C1orf162: variants seen among roughly 807,000 people sequenced by gnomAD.
The protein encoded by C1orf162 is chromosome 1 open reading frame 162.
In C1orf162, 10 loss-of-function variants were observed where a neutral mutation model predicts 11.4. The ratio of observed to expected loss-of-function variants is 0.88; its 90% CI spans 0.54 to 1.48. C1orf162 has a LOEUF of 1.48. C1orf162 is among the 40% of genes most tolerant of loss of function. C1orf162 has a pLI of 0.00. For missense variants in C1orf162, 140 were observed against 149.5 expected, an observed-to-expected ratio of 0.94 and a Z score of 0.33; for synonymous variants, 53 against 55.0, an observed-to-expected ratio of 0.96 and a Z score of 0.16.
Position 111,477,768 on chromosome 1 carries a change from C to T in C1orf162, c.245C>T (p.Pro82Leu). The T allele has an allele frequency of 4.3e-6, 7 of 1,614,144 alleles. No homozygotes were observed. Among genetic ancestry groups the T allele is most frequent in the Non-Finnish European group, 5.1e-6 (6 of 1,180,008 alleles). The change falls in exon 5 of 6, where the codon CCA becomes CTA. Residue 82 changes from proline (P) to leucine (L), a missense_variant. Physicochemically the swap from Pro to Leu is moderately conservative, Grantham distance 98. Coordinates refer to ENST00000369718, the MANE Select transcript of C1orf162 (RefSeq NM_001300834.2). ...PQAPDPHSDPPAKLSSIPGES... is the reference protein window; with the variant it reads ...PQAPDPHSDPLAKLSSIPGES... ...GCCCCAGATCCTCACTCAGATCCTC[C>T]AGCCAAGGTAAGATGACCACACTGT... is the stretch of plus-strand genomic sequence containing the variant.
At chr1:111,475,718 A>G (rs1284521589) in intron 1 of C1orf162, 2 of 315,000 alleles carry the variant, frequency 6.3e-6, no homozygotes, top group Non-Finnish European at 1.2e-5. Flanking sequence ...TTCGGCTTAT[A>G]CATCAGTCTC....
At chr1:111,475,354 G>A (rs912999510) in intron 1 of C1orf162, 17 of 152,150 alleles carry the variant, frequency 1.1e-4, no homozygotes, top group Admixed American at 5.9e-4. Flanking sequence ...TAGGAGTTTG[G>A]GTGATTTCAC....
rs561686332 is a variant in C1orf162 at position 111,477,149 on chromosome 1, C to T, written c.108-185C>T. 3.1e-5 allele frequency: 20 copies of T among 648,222 alleles called. No homozygotes were observed. In the African/African-American group the frequency reaches 3.5e-4, roughly 11 times the overall value. 40.2% of individuals were successfully genotyped at this position (648,222 alleles called of 1,614,324 possible). A position where few individuals can be genotyped will look rare whatever the true frequency, so the allele number is the denominator to read the frequency against. The stretch of plus-strand genomic sequence containing the variant: ...GGAGGGGGAGAGGAAGAGGCCACAG[C>T]TTCCTCTGAGGCCTCAAATGGATGT... On this transcript the variant is annotated intron_variant, in intron 3 of 5. Transcript: ENST00000369718.
rs1444232850 is a variant in C1orf162, at chr1:111,476,017, G to A, written c.-11-1G>A. 3 of 1,612,858 alleles carry A rather than the reference G, an allele frequency of 1.9e-6. No homozygotes were observed. Among genetic ancestry groups the A allele is most frequent in the African/African-American group, 2.7e-5 (2 of 74,894 alleles). On this transcript the variant is annotated splice_acceptor_variant, in intron 1 of 5. Transcript: ENST00000369718. LOFTEE classifies it low-confidence loss of function (5UTR_SPLICE). ...TAAGAGATACCTTGTTTTATTCTCAGGGGATGACAGCATGGGAGGCAATGG... is the reference window on the plus strand; with the variant it reads ...TAAGAGATACCTTGTTTTATTCTCAAGGGATGACAGCATGGGAGGCAATGG...
At chr1:111,477,198 A>G (rs1277558880) in intron 3 of C1orf162, 136 bp from the exon 4 acceptor site, 2 of 805,204 alleles carry the variant, frequency 2.5e-6, no homozygotes, top group Non-Finnish European at 4.0e-6. Flanking sequence ...AAAAGCTGAA[A>G]ACCACTGGGT....
rs569632826 is a variant in C1orf162 at position 111,477,447 on chromosome 1, A to G, written c.202+19A>G. 10 of 1,583,476 alleles carry G rather than the reference A, an allele frequency of 6.3e-6. No individual in the cohort carries two copies. In the East Asian group the frequency reaches 2.2e-4, roughly 35 times the overall value. On this transcript the variant is annotated intron_variant, in intron 4 of 5. Transcript: ENST00000369718. ...AGAAAATGTAAGTGGTCTCCAAGGG[A>G]TAGGACAGCCCTTCTCTCTCTGCCA...
At chr1:111,477,159 G>A in intron 3 of C1orf162, 175 bp from the exon 4 acceptor site, 2 of 656,906 alleles carry the variant, frequency 3.0e-6, no homozygotes, top group African/African-American at 1.8e-5. Flanking sequence ...CTTCCTCTGA[G>A]GCCTCAAATG....
chr1:111,478,203 A>G lies in C1orf162; in HGVS notation c.*80A>G. The stretch of plus-strand genomic sequence containing the variant: ...CACACATCACTTTCACTTTTTTACA[A>G]ATTTTGGACCACCACCTGTGTGAAA... On this transcript the variant is annotated 3_prime_UTR_variant, in exon 6 of 6. Transcript: ENST00000369718. 2 of 1,556,334 alleles carry G rather than the reference A, an allele frequency of 1.3e-6. No homozygotes were observed. Among genetic ancestry groups the G allele is most frequent in the Non-Finnish European group, 1.8e-6 (2 of 1,133,960 alleles).
intron 1 of C1orf162, chr1:111,474,973 T>C (rs890701209): frequency 3.3e-5 from 5 of 152,104 alleles, no homozygotes; most frequent in Non-Finnish European, 7.3e-5. Flanking sequence ...GCCAAAACAT[T>C]TTCCCATGAG....
Position 111,478,301 on chromosome 1 carries a change from T to C in C1orf162, c.*178T>C, listed in dbSNP as rs1654067402. On this transcript the variant is annotated 3_prime_UTR_variant, in exon 6 of 6. Transcript: ENST00000369718. Reference sequence around the variant, plus strand: ...CTTTGGAGACCAATGGTCAGTCTTTTCCTGGCCAGAGGAAAGATTGATGGC... The same window carrying C: ...CTTTGGAGACCAATGGTCAGTCTTTCCCTGGCCAGAGGAAAGATTGATGGC... The C allele has an allele frequency of 1.4e-6, 1 of 740,164 alleles. No homozygotes were observed. The allele number at this position is 740,164 out of a possible 1,614,324, so 45.8% of individuals were successfully genotyped here.
chr1:111,478,048 G>C lies in C1orf162; in HGVS notation c.318G>C (p.Lys106Asn). ...CAACTTTCAAACTCTCAGAAGAAAA[G>C]AGCAATCACTTGGCTGAGAACCATT... is the stretch of plus-strand genomic sequence containing the variant. ...ASTTFKLSEE[K>N]SNHLAENHSA... The change falls in exon 6 of 6, where the codon AAG (lysine) becomes AAC (asparagine). Residue 106 changes from lysine (K) to asparagine (N), a missense_variant. By Grantham distance (94) the Lys-to-Asn change is moderately conservative. Coordinates refer to ENST00000369718, the MANE Select transcript of C1orf162 (RefSeq NM_001300834.2). 1 of 1,614,100 alleles carries C rather than the reference G, an allele frequency of 6.2e-7. No individual in the cohort carries two copies. Among genetic ancestry groups the C allele is most frequent in the Non-Finnish European group, 8.5e-7 (1 of 1,179,968 alleles).
Position 111,476,782 on chromosome 1 carries a change from T to G in C1orf162, c.38-16T>G. ...AAAGTGACAGATACACTAATTCCTT[T>G]TGTGTTTTCTTGTAGAAAGACAAGG... On this transcript the variant is annotated splice_polypyrimidine_tract_variant and intron_variant, in intron 2 of 5. Coordinates refer to ENST00000369718, the MANE Select transcript of C1orf162 (RefSeq NM_001300834.2). The G allele has an allele frequency of 6.2e-7, 1 of 1,612,974 alleles. No homozygotes were observed. The highest frequency in any genetic ancestry group is 1.3e-5 in the African/African-American group (1 of 74,966).
At position 111,478,179 on chromosome 1, in the gene C1orf162, A is replaced by G; in HGVS notation, c.*56A>G. ...TTCCTCTCATCTCAGCCCTATCTTC[A>G]CACATCACTTTCACTTTTTTACAAA... is the stretch of plus-strand genomic sequence containing the variant. On this transcript the variant is annotated 3_prime_UTR_variant, in exon 6 of 6. Transcript: ENST00000369718. The G allele has an allele frequency of 3.1e-6, 5 of 1,600,136 alleles. No individual in the cohort carries two copies. The South Asian group carries it at 5.5e-5, about 18-fold the overall frequency.
chr1:111,476,697 C>T, intron 2 of C1orf162, 101 bp from the exon 3 acceptor site: 7 of 1,116,436 alleles, frequency 6.3e-6, no homozygotes, highest in Middle Eastern at 2.0e-4. Flanking sequence ...CCTTAATTTC[C>T]ACTGGTTGCT....
At chr1:111,476,391 G>A (rs531678845) in intron 2 of C1orf162, among the ~76,000 whole-genome samples, 1 of 152,276 alleles carries the variant, frequency 6.6e-6, no homozygotes, top group African/African-American at 2.4e-5. Context: ...CTGCAAAAAG[G>A]GCAAACATAA....
intron 4 of C1orf162, 26 bp downstream of exon 4, chr1:111,477,454 A>G (rs1172320593): frequency 1.3e-6 from 2 of 1,580,150 alleles, no homozygotes; most frequent in Non-Finnish European, 1.7e-6. Flanking sequence ...GGGATAGGAC[A>G]GCCCTTCTCT....
At chr1:111,477,011 C>T (rs1654015133) in intron 3 of C1orf162, 144 bp downstream of exon 3, 2 of 892,248 alleles carry the variant, frequency 2.2e-6, no homozygotes, top group Non-Finnish European at 3.6e-6. Flanking sequence ...TTTGTGATCT[C>T]AGGAGTATGG....
In C1orf162 at chr1:111,476,967, G is replaced by A. The variant is rs1654012723; in HGVS notation, c.107+100G>A. 2.4e-6 allele frequency: 3 copies of A among 1,244,184 alleles called. No homozygotes were observed. The South Asian group carries it at 3.6e-5, about 15-fold the overall frequency. 77.1% of individuals were successfully genotyped at this position (1,244,184 alleles called of 1,614,324 possible). ...GGGATTTGGGCAGGGAGACTGGGGA[G>A]AAAGGACTAGAAACAGTAAAAGAAC... On this transcript the variant is annotated intron_variant, in intron 3 of 5. Transcript: ENST00000369718.
In C1orf162 at chr1:111,478,064, GA is replaced by G; in HGVS notation, c.335del (p.Glu112GlyfsTer17). The G allele has an allele frequency of 6.2e-7, 1 of 1,614,172 alleles. No homozygotes were observed. Among genetic ancestry groups the G allele is most frequent in the Non-Finnish European group, 8.5e-7 (1 of 1,180,010 alleles). Reference protein sequence around the residue: ...LSEEKSNHLAENHSADFDPIV... With the variant: ...LSEEKSNHLAXNHSADFDPIV... ...AGAAGAAAAGAGCAATCACTTGGCT[GA>G]GAACCATTCTGCAGACTTTGACCCC... On this transcript the variant is annotated frameshift_variant, in exon 6 of 6. Transcript: ENST00000369718. LOFTEE classifies it low-confidence loss of function (END_TRUNC).
Sources: allele counts gnomAD v4.1 joint callset (sites outside exome capture counted in the v4.1 genomes callset), GRCh38; gene constraint gnomAD v4.1.1; transcripts MANE v1.5; gene names NCBI Gene and HGNC (gene_info 2026-07-23, HGNC 2026-07-21).